The following NDRG4 variants were observed in gnomAD, a reference collection of about 807,000 sequenced individuals.
NDRG4 encodes protein NDRG4.
Under a neutral mutation model 55.8 loss-of-function variants are expected in NDRG4, and 38 were observed. The ratio of observed to expected loss-of-function variants is 0.68; its 90% CI spans 0.53 to 0.89. The LOEUF (loss-of-function observed/expected upper bound fraction) is 0.89, where lower values mean the gene tolerates loss of function less well. NDRG4 is among the 40% of genes least tolerant of loss of function. The probability of loss-of-function intolerance (pLI) is 0.00; values close to 1 mark genes in which losing one functional copy is unlikely to be tolerated. For missense variants in NDRG4, 455 were observed against 468.6 expected (o/e 0.97, Z 0.27); for synonymous variants, 190 against 182.7 (o/e 1.04, Z -0.32).
upstream of NDRG4, chr16:58,499,960 G>C (rs2036859454): frequency 1.6e-6 from 1 of 611,140 alleles, no homozygotes; most frequent in African/African-American, 1.9e-5. Flanking sequence ...GGGAGGAGCA[G>C]TGACAGGGCT....
chr16:58,514,745 C>CAAAAAAAA (rs67168725), downstream of NDRG4, among the ~76,000 whole-genome samples: 1 of 82,132 alleles, frequency 1.2e-5, no homozygotes, highest in Non-Finnish European at 2.3e-5. Flanking sequence ...CCCAACGCGC[C>CAAAAAAAA]AAAAAAAAAA....
upstream of NDRG4, among the ~76,000 whole-genome samples, chr16:58,495,777 G>A (rs1325909153): frequency 2.6e-5 from 4 of 152,330 alleles, no homozygotes; most frequent in South Asian, 2.1e-4. Context: ...CTTCAAGGAC[G>A]AGAGGGGAGA....
In NDRG4 at chr16:58,464,820, A is replaced by G; in HGVS notation, c.-24+1023A>G. On this transcript the variant is annotated intron_variant, in intron 1 of 15. Transcript: ENST00000258187. The surrounding 1 kb of genome is among the most constrained non-coding windows in gnomAD (Gnocchi z 4.8). ...AAGAAAGGACCCGTGGGCTTCTGGC[A>G]GGACCCGCGCCATGGACCTCTTATT... The G allele has an allele frequency of 8.0e-7, 1 of 1,253,152 alleles. No homozygotes were observed. The highest frequency in any genetic ancestry group is 1.0e-6 in the Non-Finnish European group (1 of 993,672). 77.6% of individuals were successfully genotyped at this position (1,253,152 alleles called of 1,614,324 possible). A position where few individuals can be genotyped will look rare whatever the true frequency, so the allele number is the denominator to read the frequency against.
intron 1 of NDRG4, among the ~76,000 whole-genome samples, chr16:58,470,185 T>C (rs2032503235): frequency 6.6e-6 from 1 of 152,188 alleles, no homozygotes; most frequent in South Asian, 2.1e-4. Context: ...AATTCTGTTT[T>C]TAAAAACAAA....
chr16:58,509,759 T>C (rs916472202), intron 13 of NDRG4, among the ~76,000 whole-genome samples: 1 of 152,134 alleles, frequency 6.6e-6, no homozygotes, highest in African/African-American at 2.4e-5. Context: ...CTATGGCACC[T>C]GAGAAGGCCT....
chr16:58,514,745 C>CAAA (rs67168725), downstream of NDRG4, among the ~76,000 whole-genome samples: 2 of 82,128 alleles, frequency 2.4e-5, no homozygotes, highest in African/African-American at 9.3e-5. Context: ...CCCAACGCGC[C>CAAA]AAAAAAAAAA....
At chr16:58,481,161 A>G (rs2034340362) in intron 1 of NDRG4, among the ~76,000 whole-genome samples, 1 of 152,206 alleles carries the variant, frequency 6.6e-6, no homozygotes, top group Non-Finnish European at 1.5e-5. Flanking sequence ...CCTCAGCTAC[A>G]AAATGAGGAC....
chr16:58,493,547 G>A (rs2151724902), intron 2 of NDRG4, among the ~76,000 whole-genome samples: 1 of 152,340 alleles, frequency 6.6e-6, no homozygotes, highest in African/African-American at 2.4e-5. Context: ...GGGATTACAG[G>A]CATGAGCCAC....
chr16:58,510,753 A>G (rs1028160845), intron 14 of NDRG4, 70 bp downstream of exon 14: 1 of 1,382,942 alleles, frequency 7.2e-7, no homozygotes, highest in African/African-American at 1.4e-5. Context: ...TCCTCTGCGC[A>G]GTGTGCTGCA....
intron 13 of NDRG4, among the ~76,000 whole-genome samples, chr16:58,510,056 C>A (rs1213004796): frequency 6.6e-6 from 1 of 152,202 alleles, no homozygotes; most frequent in Non-Finnish European, 1.5e-5. Flanking sequence ...TTCCTCTTCT[C>A]AGTTTGTTTT....
chr16:58,464,344 C>G lies in NDRG4; in HGVS notation c.-24+547C>G. The G allele has an allele frequency of 8.2e-7, 1 of 1,216,704 alleles. No homozygotes were observed. Among genetic ancestry groups the G allele is most frequent in the Non-Finnish European group, 1.1e-6 (1 of 939,976 alleles). The allele number at this position is 1,216,704 out of a possible 1,614,324, so 75.4% of individuals were successfully genotyped here. A position where few individuals can be genotyped will look rare whatever the true frequency, so the allele number is the denominator to read the frequency against. On this transcript the variant is annotated intron_variant, in intron 1 of 15. Transcript: ENST00000258187. This position sits in a 1 kb window ranked among gnomAD's most constrained non-coding sequence, Gnocchi z 4.8. ...CTCCGCGCTCTCCTGCCGCTCCGCTCCGGGTCTCCCGCGCTCCTCTCCCCG... is the reference window on the plus strand; with the variant it reads ...CTCCGCGCTCTCCTGCCGCTCCGCTGCGGGTCTCCCGCGCTCCTCTCCCCG...
Position 58,503,781 on chromosome 16 carries a change from C to G in NDRG4, c.22-17C>G. On this transcript the variant is annotated splice_polypyrimidine_tract_variant and intron_variant, in intron 1 of 14. Coordinates refer to ENST00000570248, the MANE Select transcript of NDRG4 (RefSeq NM_001242835.2). ...CGGAGGCTGCCCAGAGTGTCCAGCA[C>G]GGTCTCTCCCCTTCAGGAACATGAC... 6.2e-7 allele frequency: 1 copy of G among 1,613,680 alleles called. No individual in the cohort carries two copies. Among genetic ancestry groups the G allele is most frequent in the South Asian group, 1.1e-5 (1 of 91,068 alleles).
chr16:58,492,064 G>A (rs748868500), intron 2 of NDRG4, among the ~76,000 whole-genome samples: 2 of 152,182 alleles, frequency 1.3e-5, no homozygotes, highest in African/African-American at 2.4e-5. Flanking sequence ...TTACAATCGT[G>A]AGCCACTTCA....
Position 58,481,081 on chromosome 16 carries a change from A to T in NDRG4, c.-23-6675A>T, listed in dbSNP as rs1013491. 9.5e-4 allele frequency among the ~76,000 whole-genome samples: 144 copies of T among 151,808 alleles called. 1 individual carries two copies. Among genetic ancestry groups the T allele is most frequent in the Non-Finnish European group, 1.5e-3 (103 of 67,932 alleles). Reference sequence around the variant, plus strand: ...CTCCAGACCTGGACATCATGGGTTCAAATCCAGGTTCCATCACTTACCAGT... The same window carrying T: ...CTCCAGACCTGGACATCATGGGTTCTAATCCAGGTTCCATCACTTACCAGT... On this transcript the variant is annotated intron_variant, in intron 1 of 15. Transcript: ENST00000258187.
chr16:58,504,099 T>C, intron 2 of NDRG4, 55 bp from the exon 3 acceptor site: 1 of 1,607,910 alleles, frequency 6.2e-7, no homozygotes. Flanking sequence ...GGCCCGGCCT[T>C]CCTTCCAGTC....
intron 1 of NDRG4, among the ~76,000 whole-genome samples, chr16:58,468,663 G>T (rs2032183141): frequency 2.6e-5 from 4 of 152,204 alleles, no homozygotes; most frequent in African/African-American, 9.7e-5. Context: ...GGAGGTTGCA[G>T]TGAGCTGAGA....
At chr16:58,469,577 C>CA (rs966277539) in intron 1 of NDRG4, among the ~76,000 whole-genome samples, 117 of 151,116 alleles carry the variant, frequency 7.7e-4, no homozygotes, top group African/African-American at 1.9e-3. Context: ...AGCAAAAAAG[C>CA]AAAAAAAACC....
chr16:58,489,901 G>T (rs370779544), intron 2 of NDRG4, among the ~76,000 whole-genome samples: 2 of 152,066 alleles, frequency 1.3e-5, no homozygotes, highest in East Asian at 3.9e-4. Context: ...CTGGAGTGCA[G>T]TAGTGCCATC....
chr16:58,494,004 C>T (rs1012036866), intron 2 of NDRG4, among the ~76,000 whole-genome samples: 8 of 152,168 alleles, frequency 5.3e-5, no homozygotes, highest in African/African-American at 1.2e-4. Context: ...TTCCAGCCCC[C>T]GCTCCTCCCC....
Sources: allele counts gnomAD v4.1 joint callset (sites outside exome capture counted in the v4.1 genomes callset), GRCh38; gene constraint gnomAD v4.1.1; non-coding constraint Gnocchi (gnomAD v3.1); transcripts MANE v1.5; gene names NCBI Gene and HGNC (gene_info 2026-07-23, HGNC 2026-07-21).